Variants in ZFYVE21 observed in about 807,000 individuals in gnomAD.
ZFYVE21 encodes zinc finger FYVE-type containing 21, also known as zinc finger FYVE domain-containing protein 21.
Under a neutral mutation model 29.5 loss-of-function variants are expected in ZFYVE21, and 21 were observed. That is an observed-to-expected ratio of 0.71 (90% confidence interval 0.50 to 1.02). The LOEUF (loss-of-function observed/expected upper bound fraction) is 1.02. Ranked by LOEUF, ZFYVE21 falls within the 50% of genes least tolerant of loss-of-function variation. The probability of loss-of-function intolerance (pLI) is 0.00; values close to 1 mark genes in which losing one functional copy is unlikely to be tolerated. For synonymous variants in ZFYVE21, 151 were observed against 133.8 expected, an observed-to-expected ratio of 1.13 and a Z score of -0.89; for missense variants, 326 against 335.4, an observed-to-expected ratio of 0.97 and a Z score of 0.22.
intron 2 of ZFYVE21, 106 bp downstream of exon 2, chr14:103,726,948 GTTT>G (rs572377392): frequency 1.3e-4 from 88 of 660,120 alleles, no homozygotes; most frequent in Non-Finnish European, 1.6e-4. Context: ...CTTATGGCTC[GTTT>G]TTTTTTTTTT....
intron 1 of ZFYVE21, among the ~76,000 whole-genome samples, chr14:103,723,095 A>G (rs979876173): frequency 7.9e-5 from 12 of 152,294 alleles, no homozygotes; most frequent in Non-Finnish European, 1.2e-4. Context: ...GGCCAGGGTC[A>G]CCATGGAGAG....
chr14:103,731,134 A>C (rs1319718281), intron 5 of ZFYVE21: 1 of 152,142 alleles, frequency 6.6e-6, no homozygotes, highest in Admixed American at 6.5e-5. Flanking sequence ...ACATGGTGAA[A>C]CCCTGTCTGT....
intron 5 of ZFYVE21, chr14:103,731,988 C>T (rs1392758925): frequency 6.6e-6 from 1 of 152,314 alleles, no homozygotes; most frequent in African/African-American, 2.4e-5. Context: ...GCCTGGGTCC[C>T]AGAGACCAGT....
intron 5 of ZFYVE21, chr14:103,729,673 C>T (rs551737537): frequency 2.5e-5 from 32 of 1,269,002 alleles, no homozygotes; most frequent in Admixed American, 6.5e-5. Context: ...GCTCGCATCC[C>T]GTTATCTGCA....
At chr14:103,731,797 G>GAT (rs2083978301) in intron 5 of ZFYVE21, 1 of 152,256 alleles carries the variant, frequency 6.6e-6, no homozygotes, top group Admixed American at 6.5e-5. Context: ...AGAGGTCAGT[G>GAT]ATTGCCTACG....
intron 5 of ZFYVE21, chr14:103,729,505 A>G (rs930640350): frequency 5.2e-6 from 3 of 575,402 alleles, no homozygotes; most frequent in Non-Finnish European, 6.1e-6. Context: ...CCCCAAATGC[A>G]ATAACTGAGA....
At chr14:103,717,078 G>T (rs748259006) in intron 1 of ZFYVE21, among the ~76,000 whole-genome samples, 1 of 151,886 alleles carries the variant, frequency 6.6e-6, no homozygotes, top group Admixed American at 6.5e-5. Flanking sequence ...GAGGCCTGGT[G>T]GGGGGTGAGC....
intron 1 of ZFYVE21, among the ~76,000 whole-genome samples, chr14:103,717,356 A>G (rs1234854264): frequency 6.6e-6 from 1 of 152,234 alleles, no homozygotes; most frequent in Non-Finnish European, 1.5e-5. Flanking sequence ...ATAGCACAGA[A>G]ATACTCTACG....
Position 103,715,824 on chromosome 14 carries a change from A to T in ZFYVE21, c.-18A>T. 1 of 1,367,988 alleles carries T rather than the reference A, an allele frequency of 7.3e-7. No homozygotes were observed. The allele number at this position is 1,367,988 out of a possible 1,614,324, so 84.7% of individuals were successfully genotyped here. On this transcript the variant is annotated 5_prime_UTR_variant, in exon 1 of 7. Transcript: ENST00000311141. ...GGGCCGGGTGCGGGGCCGCTGGCCG[A>T]GAGGCTGAGGCGGCGTCATGTCCTC...
Position 103,729,866 on chromosome 14 carries a change from C to A in ZFYVE21, c.526+684C>A, listed in dbSNP as rs752641087. ...CTGAAGGTCAGCCTCTTCCTCCTCA[C>A]CGGGGCTCCCCGCATGCAGCGGGCC... On this transcript the variant is annotated intron_variant, in intron 5 of 6. Coordinates refer to ENST00000311141, the MANE Select transcript of ZFYVE21 (RefSeq NM_024071.4). The A allele has an allele frequency of 1.2e-5, 18 of 1,535,822 alleles. No homozygotes were observed. In the South Asian group the frequency reaches 1.8e-4, roughly 15 times the overall value.
At position 103,716,098 on chromosome 14, in the gene ZFYVE21, G is replaced by A. The variant is rs2083803787; in HGVS notation, c.138+119G>A. 4.1e-6 allele frequency: 4 copies of A among 981,422 alleles called. No homozygotes were observed. The highest frequency in any genetic ancestry group is 3.8e-6 in the Non-Finnish European group (3 of 790,006). The allele number at this position is 981,422 out of a possible 1,614,324, so 60.8% of individuals were successfully genotyped here. ...CCTCCGGGCGGCCCCTTCCCCAGCCGGCCCCCGCCCCCGCTCTCTCCCAGG... is the reference window on the plus strand; with the variant it reads ...CCTCCGGGCGGCCCCTTCCCCAGCCAGCCCCCGCCCCCGCTCTCTCCCAGG... On this transcript the variant is annotated intron_variant, in intron 1 of 6. Coordinates refer to ENST00000311141, the MANE Select transcript of ZFYVE21 (RefSeq NM_024071.4). The surrounding 1 kb of genome is among the most constrained non-coding windows in gnomAD (Gnocchi z 4.8).
Position 103,715,904 on chromosome 14 carries a change from G to A in ZFYVE21, c.63G>A (p.Leu21=). ...AGCTGGTGCGCTCCCCGAGCGGCCT[G>A]CGCATGGTGCCCGAACACCGCGCCT... is the stretch of plus-strand genomic sequence containing the variant. ...AKKLVRSPSG[L]RMVPEHRAFG... The change falls in exon 1 of 7, where the codon CTG becomes CTA. Residue 21 remains leucine (L), a synonymous_variant. Coordinates refer to ENST00000311141, the MANE Select transcript of ZFYVE21 (RefSeq NM_024071.4). The A allele has an allele frequency of 6.9e-7, 1 of 1,440,268 alleles. No individual in the cohort carries two copies. Among genetic ancestry groups the A allele is most frequent in the East Asian group, 3.2e-5 (1 of 31,268 alleles). The allele number at this position is 1,440,268 out of a possible 1,614,324, so 89.2% of individuals were successfully genotyped here.
At chr14:103,729,667 G>C in intron 5 of ZFYVE21, 2 of 1,201,908 alleles carry the variant, frequency 1.7e-6, no homozygotes, top group East Asian at 2.6e-5. Context: ...CGGGGAGCTC[G>C]CATCCCGTTA....
At position 103,732,770 on chromosome 14, in the gene ZFYVE21, A is replaced by G. The variant is rs772977088; in HGVS notation, c.669+8A>G. On this transcript the variant is annotated splice_region_variant and intron_variant, in intron 6 of 6. Coordinates refer to ENST00000311141, the MANE Select transcript of ZFYVE21 (RefSeq NM_024071.4). ...CTAGTGGCCATGCACAAGGTACCTG[A>G]GCCCAGGCCAGGGAGGCTGGGCCCT... 11 of 1,610,646 alleles carry G rather than the reference A, an allele frequency of 6.8e-6. No individual in the cohort carries two copies. In the Admixed American group the frequency reaches 1.4e-4, roughly 20 times the overall value.
intron 1 of ZFYVE21, among the ~76,000 whole-genome samples, chr14:103,718,330 G>A (rs185630643): frequency 1.3e-5 from 2 of 152,322 alleles, no homozygotes; most frequent in Admixed American, 6.5e-5. Context: ...CTGCCTGACC[G>A]GGCTGGTTTA....
chr14:103,730,269 G>A (rs2083962189), intron 5 of ZFYVE21: 1 of 205,626 alleles, frequency 4.9e-6, no homozygotes, highest in Non-Finnish European at 9.8e-6. Context: ...CCTCCTGGAT[G>A]GTGAGGTGAG....
chr14:103,718,668 G>T (rs2083848213), intron 1 of ZFYVE21, among the ~76,000 whole-genome samples: 1 of 152,202 alleles, frequency 6.6e-6, no homozygotes, highest in South Asian at 2.1e-4. Flanking sequence ...GTGGGCTTGG[G>T]GGTGGGCGGT....
intron 2 of ZFYVE21, chr14:103,727,455 C>A: frequency 1.8e-6 from 1 of 560,682 alleles, no homozygotes; most frequent in Non-Finnish European, 3.4e-6. Flanking sequence ...CATGGCGCCC[C>A]GAGGCGCGAG....
At chr14:103,732,494 C>T (rs992334179) in intron 5 of ZFYVE21, 126 bp from the exon 6 acceptor site, 106 of 1,208,296 alleles carry the variant, frequency 8.8e-5, no homozygotes, top group Non-Finnish European at 1.1e-4. Flanking sequence ...GAGCACCAGC[C>T]CTCACTGCCA....
Sources: allele counts gnomAD v4.1 joint callset (sites outside exome capture counted in the v4.1 genomes callset), GRCh38; gene constraint gnomAD v4.1.1; non-coding constraint Gnocchi (gnomAD v3.1); transcripts MANE v1.5; gene names NCBI Gene and HGNC (gene_info 2026-07-23, HGNC 2026-07-21).